PIWIL3: variants seen among roughly 807,000 people sequenced by gnomAD.
PIWIL3 encodes piwi-like protein 3.
Under a neutral mutation model 109.7 loss-of-function variants are expected in PIWIL3, and 101 were observed. The observed-to-expected ratio is 0.92, with a 90% confidence interval of 0.78 to 1.09. The LOEUF (loss-of-function observed/expected upper bound fraction) is 1.09. PIWIL3 is among the 50% of genes least tolerant of loss of function. PIWIL3 has a pLI of 0.00. For missense variants in PIWIL3, 1,031 were observed against 1,072.6 expected (o/e 0.96, Z 0.54); for synonymous variants, 373 against 376.4 (o/e 0.99, Z 0.10).
chr22:24,757,676 A>ATATATATAAAATATGTATATAT (rs36148958), intron 4 of PIWIL3, among the ~76,000 whole-genome samples: 1 of 134,242 alleles, frequency 7.4e-6, no homozygotes, highest in Admixed American at 7.1e-5. Flanking sequence ...ACACACACAC[A>ATATATATAAAATATGTATATAT]CACACACACA....
rs1318388450 is a variant in PIWIL3 at position 24,734,077 on chromosome 22, CACTT to C, written c.1707+3_1707+6del. ...AAAGATTGTACATGTATCAACTAGA[CACTT>C]ACCATCTGCAGTGTTGGTCTAGTAT... On this transcript the variant is annotated splice_donor_5th_base_variant and intron_variant, in intron 14 of 20. Transcript: ENST00000616349. 4.4e-6 allele frequency: 7 copies of C among 1,607,488 alleles called. No homozygotes were observed. The highest frequency in any genetic ancestry group is 3.4e-5 in the Admixed American group (2 of 58,742).
intron 6 of PIWIL3, among the ~76,000 whole-genome samples, chr22:24,755,276 C>T (rs924641520): frequency 2.0e-5 from 3 of 152,316 alleles, no homozygotes; most frequent in Middle Eastern, 6.8e-3. Flanking sequence ...GCACCTGCCA[C>T]CATGCCTGGC....
chr22:24,759,986 G>A lies in PIWIL3; in HGVS notation c.106C>T (p.Gln36Ter), dbSNP rs1925322313. 2 of 1,609,564 alleles carry A rather than the reference G, an allele frequency of 1.2e-6. No homozygotes were observed. Among genetic ancestry groups the A allele is most frequent in the East Asian group, 2.2e-5 (1 of 44,892 alleles). The change falls in exon 3 of 21, where the codon CAG becomes TAG. Residue 36 changes from glutamine to a stop codon, truncating the protein, a stop_gained. Coordinates refer to ENST00000616349, the MANE Select transcript of PIWIL3 (RefSeq NM_001255975.1). LOFTEE classifies it high-confidence loss of function. Reference sequence around the variant, plus strand: ...GTCGACTGCAACTGAGGGGGCTCCTGGGTCTGCATGTTTTTGGAAATAGAA... The same window carrying A: ...GTCGACTGCAACTGAGGGGGCTCCTAGGTCTGCATGTTTTTGGAAATAGAA... ...GPRAPGSATT[Q>*]EPPQLQSTPR...
At chr22:24,732,455 T>C (rs1208927306) in intron 14 of PIWIL3, among the ~76,000 whole-genome samples, 1 of 152,148 alleles carries the variant, frequency 6.6e-6, no homozygotes, top group Non-Finnish European at 1.5e-5. Context: ...GATGAATAAA[T>C]GAGTAAATGA....
chr22:24,768,544 G>A (rs887692833), intron 1 of PIWIL3, among the ~76,000 whole-genome samples: 3 of 152,102 alleles, frequency 2.0e-5, no homozygotes, highest in African/African-American at 7.2e-5. Context: ...GAGCCCCCAC[G>A]CCTGGCCTGT....
intron 12 of PIWIL3, among the ~76,000 whole-genome samples, chr22:24,741,159 CA>C (rs1319104391): frequency 1.1e-4 from 16 of 152,144 alleles, no homozygotes; most frequent in South Asian, 2.1e-4. Flanking sequence ...AAACAAAAAT[CA>C]CATGGTTATC....
chr22:24,728,899 G>A (rs1475432287), intron 14 of PIWIL3, among the ~76,000 whole-genome samples: 1 of 151,660 alleles, frequency 6.6e-6, no homozygotes, highest in African/African-American at 2.4e-5. Flanking sequence ...AGAGGAGAAA[G>A]GAAAAAAACA....
At chr22:24,758,989 G>A (rs927618735) in intron 3 of PIWIL3, among the ~76,000 whole-genome samples, 59 of 152,330 alleles carry the variant, frequency 3.9e-4, no homozygotes, top group African/African-American at 1.3e-3. Flanking sequence ...TGCCTCCTGG[G>A]TTCAAGTGAT....
At chr22:24,735,992 G>T in intron 12 of PIWIL3, 100 bp from the exon 13 acceptor site, 2 of 985,164 alleles carry the variant, frequency 2.0e-6, no homozygotes, top group African/African-American at 1.7e-5. Context: ...CTATAGAAAT[G>T]TTACAATTAT....
Position 24,728,384 on chromosome 22 carries a change from CA to C in PIWIL3, c.1708-11del. On this transcript the variant is annotated splice_polypyrimidine_tract_variant and intron_variant, in intron 14 of 20. Coordinates refer to ENST00000616349, the MANE Select transcript of PIWIL3 (RefSeq NM_001255975.1). ...GCAGGATACAAATCACCTTGAAAAC[CA>C]GCAAACATGACATTCCCTAAGATAC... 2.5e-6 allele frequency: 4 copies of C among 1,614,100 alleles called. No homozygotes were observed. Among genetic ancestry groups the C allele is most frequent in the Non-Finnish European group, 3.4e-6 (4 of 1,180,000 alleles).
At chr22:24,767,703 T>C (rs1925881575) in intron 1 of PIWIL3, among the ~76,000 whole-genome samples, 1 of 152,054 alleles carries the variant, frequency 6.6e-6, no homozygotes, top group Non-Finnish European at 1.5e-5. Flanking sequence ...TTTGAAATAA[T>C]AATGACCGAA....
intron 14 of PIWIL3, 108 bp downstream of exon 14, chr22:24,733,976 G>T (rs971136921): frequency 4.8e-6 from 6 of 1,247,616 alleles, no homozygotes; most frequent in Non-Finnish European, 6.4e-6. Context: ...ATCTGCTTTC[G>T]TTGGCAAGTT....
chr22:24,768,209 TTTC>T (rs917557824), intron 1 of PIWIL3, among the ~76,000 whole-genome samples: 13 of 152,208 alleles, frequency 8.5e-5, no homozygotes, highest in African/African-American at 3.1e-4. Flanking sequence ...GTTTTCCCTT[TTTC>T]TTTTTTTGTT....
Position 24,739,948 on chromosome 22 carries a change from G to A in PIWIL3, c.1450-4056C>T, listed in dbSNP as rs148886302. On this transcript the variant is annotated intron_variant, in intron 12 of 20. Coordinates refer to ENST00000616349, the MANE Select transcript of PIWIL3 (RefSeq NM_001255975.1). ...CACCTGTAGTCCCAGCTACTCAGGA[G>A]GCTGAGGCAGGAGAATGGTGTGAAC... Among the ~76,000 whole-genome samples the A allele has an allele frequency of 4.0e-3, 606 of 151,838 alleles. 5 individuals are homozygous for A. Among genetic ancestry groups the A allele is most frequent in the African/African-American group, 0.013 (543 of 41,358 alleles).
At chr22:24,736,023 G>T in intron 12 of PIWIL3, 131 bp from the exon 13 acceptor site, 2 of 743,064 alleles carry the variant, frequency 2.7e-6, no homozygotes, top group Non-Finnish European at 2.1e-6. Context: ...GGCCAATGTA[G>T]GTATTTTTTT....
chr22:24,760,031 T>C (rs1462482553), intron 2 of PIWIL3, 42 bp from the exon 3 acceptor site: 2 of 1,610,434 alleles, frequency 1.2e-6, no homozygotes, highest in Non-Finnish European at 1.7e-6. Flanking sequence ...AGTGCCCTAC[T>C]GTGTTCATTC....
chr22:24,735,929 T>C (rs766211520), intron 12 of PIWIL3, 37 bp from the exon 13 acceptor site: 1 of 1,494,850 alleles, frequency 6.7e-7, no homozygotes, highest in East Asian at 2.3e-5. Context: ...TAAAACTTTA[T>C]TTTAAAGATC....
At chr22:24,719,635 A>G (rs375124673) in intron 20 of PIWIL3, 47 bp from the exon 21 acceptor site, 13 of 1,541,798 alleles carry the variant, frequency 8.4e-6, no homozygotes, top group Non-Finnish European at 1.1e-5. Context: ...TTCACTTTAC[A>G]TCTACTTTCC....
chr22:24,731,014 G>C (rs764965203), intron 14 of PIWIL3, among the ~76,000 whole-genome samples: 15 of 152,140 alleles, frequency 9.9e-5, no homozygotes, highest in Non-Finnish European at 2.1e-4. Context: ...AATATTAACA[G>C]CTAAAAAAGT....
Sources: allele counts gnomAD v4.1 joint callset (sites outside exome capture counted in the v4.1 genomes callset), GRCh38; gene constraint gnomAD v4.1.1; transcripts MANE v1.5; gene names NCBI Gene and HGNC (gene_info 2026-07-23, HGNC 2026-07-21).